Variants in CSMD1 observed in about 807,000 individuals in gnomAD.
The protein encoded by CSMD1 is CUB and Sushi multiple domains 1.
In CSMD1, 213 loss-of-function variants were observed where a neutral mutation model predicts 417.5. The observed-to-expected ratio is 0.51, with a 90% CI of 0.46 to 0.57. CSMD1 has a LOEUF of 0.57. Among genes scored for constraint, CSMD1 ranks in the 20% least tolerant of loss-of-function variants. The pLI is 0.00. For missense variants in CSMD1, 6,923 were observed against 4,529.7 expected, an observed-to-expected ratio of 1.53 and a Z score of -15.17; for synonymous variants, 2,862 against 1,736.8, an observed-to-expected ratio of 1.65 and a Z score of -16.11.
chr8:4,395,166 G>A (rs1445069969), intron 3 of CSMD1, among the ~76,000 whole-genome samples: 1 of 152,120 alleles, frequency 6.6e-6, no homozygotes, highest in African/African-American at 2.4e-5. Flanking sequence ...CACTCCCTTA[G>A]AACAACCCCT....
intron 5 of CSMD1, among the ~76,000 whole-genome samples, chr8:3,821,464 G>A (rs900240365): frequency 6.6e-6 from 1 of 151,864 alleles, no homozygotes; most frequent in Non-Finnish European, 1.5e-5. Context: ...ATGCCACTAA[G>A]TGTAGGACAT....
At chr8:3,945,314 A>G (rs189929232) in intron 5 of CSMD1, among the ~76,000 whole-genome samples, 181 of 152,242 alleles carry the variant, frequency 1.2e-3, no homozygotes, top group African/African-American at 4.1e-3. Flanking sequence ...TAAGAAATTA[A>G]CTTATACTTA....
At chr8:3,175,584 T>C (rs1194483719) in intron 37 of CSMD1, among the ~76,000 whole-genome samples, 29 of 142,530 alleles carry the variant, frequency 2.0e-4, no homozygotes, top group Non-Finnish European at 3.8e-4. Flanking sequence ...TTCCTTCCTT[T>C]TTGTCCTCCC....
intron 1 of CSMD1, among the ~76,000 whole-genome samples, chr8:4,905,819 CAAAAAAA>C (rs147276107): frequency 2.1e-5 from 2 of 94,338 alleles, no homozygotes; most frequent in Non-Finnish European, 4.2e-5. Flanking sequence ...GACTCCATCT[CAAAAAAA>C]AAAAAAAAGA....
At chr8:4,925,274 C>T (rs1402451069) in intron 1 of CSMD1, among the ~76,000 whole-genome samples, 1 of 105,442 alleles carries the variant, frequency 9.5e-6, no homozygotes, top group African/African-American at 3.7e-5. Context: ...TGGGAAGGGG[C>T]TCAAGAGTTC....
At chr8:4,981,076 G>A (rs1201586455) in intron 1 of CSMD1, among the ~76,000 whole-genome samples, 1 of 152,164 alleles carries the variant, frequency 6.6e-6, no homozygotes, top group African/African-American at 2.4e-5. Context: ...CATGATGCGT[G>A]CATCTTTGCA....
chr8:3,323,078 T>C (rs1806260249), intron 23 of CSMD1, among the ~76,000 whole-genome samples: 1 of 152,222 alleles, frequency 6.6e-6, no homozygotes, highest in Admixed American at 6.5e-5. Flanking sequence ...TTATGCAGTT[T>C]TAAAAACATC....
At chr8:4,423,735 C>CA (rs144281230) in intron 2 of CSMD1, among the ~76,000 whole-genome samples, 24,758 of 147,544 alleles carry the variant, frequency 0.17, 2,113 homozygotes, top group South Asian at 0.28. Flanking sequence ...GGCAAACAAA[C>CA]AAAAAAAAAT....
chr8:3,984,969 T>A (rs1814209026), intron 5 of CSMD1, among the ~76,000 whole-genome samples: 1 of 152,006 alleles, frequency 6.6e-6, no homozygotes, highest in Admixed American at 6.6e-5. Context: ...GGTGAAGACT[T>A]GGGAAAGATG....
intron 5 of CSMD1, among the ~76,000 whole-genome samples, chr8:3,922,259 T>A (rs144313364): frequency 1.3e-5 from 2 of 152,118 alleles, no homozygotes; most frequent in South Asian, 2.1e-4. Flanking sequence ...TTTCAACCTA[T>A]GTGTGCTCTT....
chr8:3,284,490 G>T, intron 25 of CSMD1, 144 bp from the exon 26 acceptor site: 1 of 640,926 alleles, frequency 1.6e-6, no homozygotes, highest in Non-Finnish European at 2.8e-6. Context: ...AATGAAGGAT[G>T]AGGAAAATGA....
intron 23 of CSMD1, among the ~76,000 whole-genome samples, chr8:3,329,324 C>T (rs1297711189): frequency 6.6e-6 from 1 of 152,056 alleles, no homozygotes; most frequent in Non-Finnish European, 1.5e-5. Context: ...TAAGAGCAGG[C>T]TTCATCATGA....
At chr8:3,772,355 T>A (rs13251174) in intron 5 of CSMD1, among the ~76,000 whole-genome samples, 11,589 of 84,938 alleles carry the variant, frequency 0.14, 2,083 homozygotes, top group Middle Eastern at 0.21. Context: ...ATACATATAT[T>A]TATATATACA....
chr8:3,018,742 C>T, intron 51 of CSMD1, 92 bp from the exon 52 acceptor site: 2 of 1,230,404 alleles, frequency 1.6e-6, no homozygotes, highest in Admixed American at 2.2e-5. Flanking sequence ...CAAAAAAAAC[C>T]AAAAAACTAT....
chr8:3,205,406 A>G (rs1797197073), intron 31 of CSMD1, 98 bp downstream of exon 31: 1 of 645,144 alleles, frequency 1.6e-6, no homozygotes, highest in Non-Finnish European at 2.6e-6. Context: ...TATATGAAAT[A>G]TTTCACTAAG....
intron 3 of CSMD1, among the ~76,000 whole-genome samples, chr8:4,372,334 G>A (rs1802444980): frequency 6.6e-6 from 1 of 152,138 alleles, no homozygotes. Flanking sequence ...AGCATTAAAA[G>A]TGAAGGAGGA....
At chr8:4,554,885 G>T (rs141331228) in intron 2 of CSMD1, among the ~76,000 whole-genome samples, 5 of 152,264 alleles carry the variant, frequency 3.3e-5, no homozygotes, top group Middle Eastern at 3.4e-3. Flanking sequence ...GGCCCAGGTG[G>T]TGATGATGGT....
chr8:3,825,530 G>A (rs1802006457), intron 5 of CSMD1, among the ~76,000 whole-genome samples: 1 of 152,178 alleles, frequency 6.6e-6, no homozygotes. Context: ...GCAATGGGAT[G>A]CAGGGGCAGG....
At chr8:4,226,699 C>G (rs908269533) in intron 3 of CSMD1, among the ~76,000 whole-genome samples, 1 of 151,698 alleles carries the variant, frequency 6.6e-6, no homozygotes, top group Non-Finnish European at 1.5e-5. Flanking sequence ...ATTTTACGTC[C>G]TCTTTAAAAA....
Sources: allele counts gnomAD v4.1 joint callset (sites outside exome capture counted in the v4.1 genomes callset), GRCh38; gene constraint gnomAD v4.1.1; transcripts MANE v1.5; gene names NCBI Gene and HGNC (gene_info 2026-07-23, HGNC 2026-07-21).